The following TMEM120B variants were observed in gnomAD, a reference collection of about 807,000 sequenced individuals.
TMEM120B encodes the protein transmembrane protein 120B.
A neutral mutation model predicts 55.5 loss-of-function variants in TMEM120B; 31 were observed. The ratio of observed to expected loss-of-function variants is 0.56; its 90% CI spans 0.42 to 0.75. The LOEUF (loss-of-function observed/expected upper bound fraction) is 0.75, where lower values mean the gene tolerates loss of function less well. Among genes scored for constraint, TMEM120B ranks in the 30% least tolerant of loss-of-function variants. The pLI, the probability that TMEM120B is intolerant of heterozygous loss-of-function variation, is 0.00. For missense variants in TMEM120B, 399 were observed against 425.5 expected (o/e 0.94, Z 0.55); for synonymous variants, 203 against 176.3 (o/e 1.15, Z -1.20).
intron 1 of TMEM120B, among the ~76,000 whole-genome samples, chr12:121,718,403 G>A (rs1426268277): frequency 1.3e-5 from 2 of 152,178 alleles, no homozygotes; most frequent in Non-Finnish European, 2.9e-5. Flanking sequence ...CTACTTGGGA[G>A]GCTGAGGCTG....
At chr12:121,760,188 A>G (rs1449768682) in intron 5 of TMEM120B, among the ~76,000 whole-genome samples, 1 of 150,780 alleles carries the variant, frequency 6.6e-6, no homozygotes, top group East Asian at 1.9e-4. Context: ...CTGTAGTCCC[A>G]GCTACTCGGG....
At chr12:121,716,045 G>A (rs541965255) in intron 1 of TMEM120B, among the ~76,000 whole-genome samples, 2 of 148,456 alleles carry the variant, frequency 1.3e-5, no homozygotes, top group African/African-American at 5.1e-5. Context: ...TGTAATCTCA[G>A]CACTTTGGGA....
intron 9 of TMEM120B, among the ~76,000 whole-genome samples, chr12:121,774,001 G>C (rs1874153517): frequency 6.9e-6 from 1 of 144,982 alleles, no homozygotes; most frequent in African/African-American, 2.6e-5. Context: ...TCTTGCCCAG[G>C]CTGCATTGCA....
chr12:121,724,846 G>A (rs1894863381), intron 1 of TMEM120B, among the ~76,000 whole-genome samples: 1 of 151,910 alleles, frequency 6.6e-6, no homozygotes, highest in African/African-American at 2.4e-5. Context: ...TCCTGACTTT[G>A]TGATCCACCC....
intron 5 of TMEM120B, among the ~76,000 whole-genome samples, chr12:121,757,534 T>G (rs1485983815): frequency 6.6e-6 from 1 of 150,444 alleles, no homozygotes; most frequent in Non-Finnish European, 1.5e-5. Flanking sequence ...ATTTTTTTTT[T>G]GAGACAGAGT....
rs572826931 is a variant in TMEM120B at position 121,736,384 on chromosome 12, T to G, written c.70-7245T>G. On this transcript the variant is annotated intron_variant, in intron 1 of 11. Coordinates refer to ENST00000449592, the MANE Select transcript of TMEM120B (RefSeq NM_001080825.2). ...GGGGTTTTACCATGTTAGCCAGGAT[T>G]GTCTCGATCTCCTGACCTTGTGATC... Among the ~76,000 whole-genome samples, 46 of 151,068 alleles carry G rather than the reference T, an allele frequency of 3.0e-4. 1 individual carries two copies. Among genetic ancestry groups the G allele is most frequent in the Middle Eastern group, 6.4e-3 (2 of 314 alleles).
At chr12:121,761,945 T>C (rs917087769) in intron 6 of TMEM120B, among the ~76,000 whole-genome samples, 10 of 152,212 alleles carry the variant, frequency 6.6e-5, no homozygotes, top group Admixed American at 2.0e-4. Context: ...TTATGAGCAA[T>C]AGAAGACCTA....
chr12:121,729,685 G>A (rs1438948517), intron 1 of TMEM120B, among the ~76,000 whole-genome samples: 1 of 151,894 alleles, frequency 6.6e-6, no homozygotes, highest in Admixed American at 6.6e-5. Context: ...TGTAGTTCTA[G>A]CTACTCGGGA....
chr12:121,759,395 T>C (rs1873595322), intron 5 of TMEM120B, among the ~76,000 whole-genome samples: 1 of 151,152 alleles, frequency 6.6e-6, no homozygotes, highest in Non-Finnish European at 1.5e-5. Flanking sequence ...TTAAAAAGCT[T>C]GGCCGGATGC....
At chr12:121,751,843 G>A (rs773225736) in intron 4 of TMEM120B, among the ~76,000 whole-genome samples, 2 of 152,214 alleles carry the variant, frequency 1.3e-5, no homozygotes, top group Non-Finnish European at 2.9e-5. Flanking sequence ...AGCAGCAGTT[G>A]GTTGAGGGAA....
chr12:121,730,827 A>G (rs1366331034), intron 1 of TMEM120B, among the ~76,000 whole-genome samples: 5 of 148,634 alleles, frequency 3.4e-5, no homozygotes, highest in African/African-American at 1.0e-4. Flanking sequence ...GCATGGTGGC[A>G]CATGCCTGTA....
In TMEM120B at chr12:121,773,420, G is replaced by T; in HGVS notation, c.680-1G>T. On this transcript the variant is annotated splice_acceptor_variant, in intron 8 of 11. Transcript: ENST00000449592. LOFTEE classifies it high-confidence loss of function. ...GCCCAGGTGCTGTGCTCCCCCTGCA[G>T]GCTGCGTCCAGTTCCTGCAATATTA... The T allele has an allele frequency of 1.9e-6, 3 of 1,609,940 alleles. No homozygotes were observed. The highest frequency in any genetic ancestry group is 2.5e-6 in the Non-Finnish European group (3 of 1,178,234).
At position 121,781,165 on chromosome 12, in the gene TMEM120B, G is replaced by A. The variant is rs1348103256; in HGVS notation, c.*5443G>A. 6.2e-7 allele frequency: 1 copy of A among 1,614,206 alleles called. No individual in the cohort carries two copies. The highest frequency in any genetic ancestry group is 1.7e-5 in the Admixed American group (1 of 60,020). ...GAGGTGGGTGTTCTGGTAGGACAGG[G>A]GCCGCAGCCGGTCATAGTCTTCTTG... On this transcript the variant is annotated 3_prime_UTR_variant, in exon 12 of 12. Coordinates refer to ENST00000449592, the MANE Select transcript of TMEM120B (RefSeq NM_001080825.2).
Position 121,775,596 on chromosome 12 carries a change from T to C in TMEM120B, c.907-13T>C, listed in dbSNP as rs758311928. The C allele has an allele frequency of 6.2e-7, 1 of 1,610,666 alleles. No homozygotes were observed. The highest frequency in any genetic ancestry group is 8.5e-7 in the Non-Finnish European group (1 of 1,177,688). Reference sequence around the variant, plus strand: ...GATGCCCCAGCCTCGCCCTCCTCTCTGGACTCCCCCAGGTGTTCGTACTGG... The same window carrying C: ...GATGCCCCAGCCTCGCCCTCCTCTCCGGACTCCCCCAGGTGTTCGTACTGG... On this transcript the variant is annotated splice_polypyrimidine_tract_variant and intron_variant, in intron 11 of 11. Transcript: ENST00000449592. The surrounding 1 kb of genome is among the most constrained non-coding windows in gnomAD (Gnocchi z 4.3).
chr12:121,766,490 C>T (rs1308925433), intron 6 of TMEM120B, among the ~76,000 whole-genome samples: 1 of 152,192 alleles, frequency 6.6e-6, no homozygotes, highest in East Asian at 1.9e-4. Context: ...GGCCCCCAGG[C>T]AGGCCTCCCA....
chr12:121,741,644 T>C (rs989576955), intron 1 of TMEM120B, among the ~76,000 whole-genome samples: 11 of 151,902 alleles, frequency 7.2e-5, no homozygotes, highest in African/African-American at 7.3e-5. Context: ...ATTATTATTA[T>C]TCATTTATTT....
chr12:121,759,956 C>T (rs1208168449), intron 5 of TMEM120B, among the ~76,000 whole-genome samples: 1 of 151,848 alleles, frequency 6.6e-6, no homozygotes, highest in African/African-American at 2.4e-5. Flanking sequence ...CATGGTGAAA[C>T]CTCTTCTCTA....
chr12:121,772,016 CCTTTCTTTCCCTTT>C (rs1202476769), intron 8 of TMEM120B, among the ~76,000 whole-genome samples: 1 of 150,972 alleles, frequency 6.6e-6, no homozygotes, highest in Non-Finnish European at 1.5e-5. Context: ...GTGTGTATTG[CCTTTCTTTCCCTTT>C]CTTTCTTTCT....
intron 5 of TMEM120B, among the ~76,000 whole-genome samples, chr12:121,761,236 C>A (rs545994219): frequency 1.3e-5 from 2 of 152,292 alleles, no homozygotes; most frequent in East Asian, 1.9e-4. Flanking sequence ...GTCTCAGCCT[C>A]CCCAAGTGCT....
Sources: gnomAD v4.1 joint callset for allele counts (sites outside exome capture counted in the v4.1 genomes callset) on GRCh38, gnomAD v4.1.1 for gene constraint, Gnocchi (gnomAD v3.1) non-coding constraint, MANE v1.5 for transcripts, NCBI Gene and HGNC (gene_info 2026-07-23, HGNC 2026-07-21) for gene names.